The following UBE2E2 variants were observed in gnomAD, a reference collection of about 807,000 sequenced individuals.
UBE2E2 encodes the protein ubiquitin conjugating enzyme E2 E2.
UBE2E2 carries 6 observed loss-of-function variants against 24.7 expected under a neutral mutation model. The ratio of observed to expected loss-of-function variants is 0.24; its 90% CI spans 0.13 to 0.48. The LOEUF (loss-of-function observed/expected upper bound fraction) is 0.48, where lower values mean the gene tolerates loss of function less well. UBE2E2 is among the 20% of genes least tolerant of loss of function. UBE2E2 has a pLI of 0.99. For missense variants in UBE2E2, 169 were observed against 245.0 expected, an observed-to-expected ratio of 0.69 and a Z score of 2.07; for synonymous variants, 104 against 83.6, an observed-to-expected ratio of 1.24 and a Z score of -1.33.
intron 3 of UBE2E2, among the ~76,000 whole-genome samples, chr3:23,297,207 T>G (rs1444343680): frequency 6.6e-6 from 1 of 152,130 alleles, no homozygotes; most frequent in African/African-American, 2.4e-5. Context: ...TTCTGGATAT[T>G]AGCCCTTTGT....
At chr3:23,425,769 C>T (rs1022116514) in intron 3 of UBE2E2, among the ~76,000 whole-genome samples, 2 of 152,014 alleles carry the variant, frequency 1.3e-5, no homozygotes, top group African/African-American at 2.4e-5. Context: ...TACCCTCCCC[C>T]GCTTTCTTAC....
chr3:23,406,684 C>T (rs182066119), intron 3 of UBE2E2, among the ~76,000 whole-genome samples: 1 of 152,236 alleles, frequency 6.6e-6, no homozygotes, highest in Non-Finnish European at 1.5e-5. Context: ...TTGAGGTTAT[C>T]CCTCTTAACC....
At chr3:23,308,431 T>G (rs1286533059) in intron 3 of UBE2E2, among the ~76,000 whole-genome samples, 2 of 152,176 alleles carry the variant, frequency 1.3e-5, no homozygotes, top group Admixed American at 1.3e-4. Flanking sequence ...AACAATAAAA[T>G]TCAAGATGAA....
At chr3:23,308,097 A>G (rs945799302) in intron 3 of UBE2E2, among the ~76,000 whole-genome samples, 4 of 152,216 alleles carry the variant, frequency 2.6e-5, no homozygotes, top group African/African-American at 9.6e-5. Flanking sequence ...GATGTCCACA[A>G]GTGTTAGAAT....
chr3:23,222,227 A>G (rs1459841078), intron 3 of UBE2E2, among the ~76,000 whole-genome samples: 1 of 151,982 alleles, frequency 6.6e-6, no homozygotes, highest in African/African-American at 2.4e-5. Context: ...TATATACCAC[A>G]TTTTCTTTAT....
At chr3:23,547,635 T>G (rs1057492529) in intron 5 of UBE2E2, among the ~76,000 whole-genome samples, 8 of 152,234 alleles carry the variant, frequency 5.3e-5, no homozygotes, top group African/African-American at 1.9e-4. Flanking sequence ...TTTATGCAAA[T>G]TAAACAAATG....
chr3:23,239,224 A>T (rs182199492), intron 3 of UBE2E2, among the ~76,000 whole-genome samples: 2 of 152,308 alleles, frequency 1.3e-5, no homozygotes, highest in East Asian at 3.9e-4. Flanking sequence ...TCGAGGTAAT[A>T]GGACTCTTGT....
At chr3:23,556,453 T>TAAAAAAAAAA (rs1321819270) in intron 5 of UBE2E2, among the ~76,000 whole-genome samples, 12 of 68,994 alleles carry the variant, frequency 1.7e-4, no homozygotes, top group South Asian at 4.1e-4. Flanking sequence ...TAAAATTTAT[T>TAAAAAAAAAA]TAAAAAAAAA....
chr3:23,345,049 A>G (rs1269188949), intron 3 of UBE2E2, among the ~76,000 whole-genome samples: 1 of 152,162 alleles, frequency 6.6e-6, no homozygotes, highest in African/African-American at 2.4e-5. Flanking sequence ...GGAGGAAACG[A>G]ATTTTGCCCT....
At chr3:23,230,791 AG>A (rs1696953940) in intron 3 of UBE2E2, among the ~76,000 whole-genome samples, 2 of 150,198 alleles carry the variant, frequency 1.3e-5, no homozygotes, top group Admixed American at 6.6e-5. Context: ...CTTCTCAAAA[AG>A]AAAAAAAAAA....
At chr3:23,420,776 C>G (rs1185537495) in intron 3 of UBE2E2, among the ~76,000 whole-genome samples, 1 of 152,136 alleles carries the variant, frequency 6.6e-6, no homozygotes, top group Non-Finnish European at 1.5e-5. Flanking sequence ...TTTCAGGAAG[C>G]CTTTACCTAA....
At chr3:23,269,124 GTTC>G in intron 3 of UBE2E2, among the ~76,000 whole-genome samples, 1 of 151,298 alleles carries the variant, frequency 6.6e-6, no homozygotes, top group Admixed American at 6.6e-5. Flanking sequence ...AGGCATTACT[GTTC>G]AGGACATAGG....
intron 3 of UBE2E2, among the ~76,000 whole-genome samples, chr3:23,292,651 T>C (rs1698799520): frequency 6.6e-6 from 1 of 152,224 alleles, no homozygotes; most frequent in Non-Finnish European, 1.5e-5. Context: ...TGCTACTGGC[T>C]AGAGTAGCCT....
At chr3:23,489,142 A>G (rs778512) in intron 3 of UBE2E2, among the ~76,000 whole-genome samples, 27,383 of 152,198 alleles carry the variant, frequency 0.18, 2,518 homozygotes, top group Middle Eastern at 0.23. Flanking sequence ...GACCAGTTTC[A>G]TAGAAGACAG....
At chr3:23,360,735 A>AT (rs550901290) in intron 3 of UBE2E2, among the ~76,000 whole-genome samples, 1 of 152,230 alleles carries the variant, frequency 6.6e-6, no homozygotes, top group South Asian at 2.1e-4. Context: ...CCTGTTTTGA[A>AT]TGGAAGGTAG....
intron 3 of UBE2E2, among the ~76,000 whole-genome samples, chr3:23,240,681 G>A (rs893929085): frequency 6.6e-6 from 1 of 152,166 alleles, no homozygotes; most frequent in African/African-American, 2.4e-5. Flanking sequence ...ATTGAATATA[G>A]GGATGAATTA....
intron 4 of UBE2E2, among the ~76,000 whole-genome samples, chr3:23,507,140 G>A (rs1694477039): frequency 6.6e-6 from 1 of 152,074 alleles, no homozygotes; most frequent in Admixed American, 6.5e-5. Context: ...CCTTCTGCCT[G>A]CGTTTGTATG....
At chr3:23,367,510 T>C (rs1696290162) in intron 3 of UBE2E2, among the ~76,000 whole-genome samples, 1 of 152,210 alleles carries the variant, frequency 6.6e-6, no homozygotes, top group Non-Finnish European at 1.5e-5. Flanking sequence ...AACTGCTTGA[T>C]GACTGATCAC....
intron 5 of UBE2E2, among the ~76,000 whole-genome samples, chr3:23,568,065 A>C (rs1185967750): frequency 6.6e-6 from 1 of 152,208 alleles, no homozygotes; most frequent in Non-Finnish European, 1.5e-5. Context: ...GACAGCACCC[A>C]TGTGACTCAC....
Sources: gnomAD v4.1 joint callset for allele counts (sites outside exome capture counted in the v4.1 genomes callset) on GRCh38, gnomAD v4.1.1 for gene constraint, MANE v1.5 for transcripts, NCBI Gene and HGNC (gene_info 2026-07-23, HGNC 2026-07-21) for gene names.